LRRC27: variants seen among roughly 807,000 people sequenced by gnomAD.
LRRC27 encodes leucine-rich repeat-containing protein 27.
LRRC27 carries 57 observed loss-of-function variants against 55.0 expected under a neutral mutation model. The observed-to-expected ratio is 1.04, with a 90% CI of 0.84 to 1.29. The LOEUF is 1.29. Ranked by LOEUF, LRRC27 falls within the 50% of genes most tolerant of loss-of-function variation. The pLI is 0.00. For missense variants in LRRC27, 721 were observed against 651.5 expected (o/e 1.11, Z -1.16); for synonymous variants, 278 against 251.9 (o/e 1.10, Z -0.98).
At chr10:132,353,393 G>A in intron 7 of LRRC27, 1 of 1,043,100 alleles carries the variant, frequency 9.6e-7, no homozygotes, top group Non-Finnish European at 1.2e-6. Flanking sequence ...CCCTCCTGAA[G>A]CCACCCCGTT....
In LRRC27 at chr10:132,375,162, G is replaced by A. The variant is rs1282816083; in HGVS notation, c.1513G>A (p.Gly505Ser). The A allele has an allele frequency of 1.2e-6, 2 of 1,614,124 alleles. No homozygotes were observed. Among genetic ancestry groups the A allele is most frequent in the Admixed American group, 3.3e-5 (2 of 60,014 alleles). The change falls in exon 11 of 11, where the codon GGC (glycine) becomes AGC (serine). Residue 505 changes from glycine to serine, a missense_variant. Gly to Ser is a moderately conservative substitution (Grantham distance 56). Transcript: ENST00000368614. ...GGCCCTCACTGGAAACCTTTCGCTT[G>A]GCCTGCCGGCAGCACAGCCTCAAAA... ...RAALTGNLSL[G>S]LPAAQPQNTF...
At chr10:132,331,826 G>A (rs200894466), upstream of LRRC27, 2 of 1,543,976 alleles carry the variant, frequency 1.3e-6, no homozygotes, top group Non-Finnish European at 1.8e-6. Context: ...ACCCCTTCAA[G>A]GCCGCGGGCG....
intron 9 of LRRC27, 130 bp downstream of exon 9, chr10:132,361,705 G>A: frequency 1.4e-6 from 1 of 699,980 alleles, no homozygotes; most frequent in Non-Finnish European, 2.5e-6. Flanking sequence ...GCCCCAGGCT[G>A]TGGCGGGCTC....
intron 9 of LRRC27, among the ~76,000 whole-genome samples, chr10:132,364,519 G>GTCCA (rs2068889283): frequency 1.3e-4 from 1 of 7,778 alleles, no homozygotes; most frequent in African/African-American, 5.9e-4. Flanking sequence ...CTCCACACTC[G>GTCCA]CACTTACACC....
intron 5 of LRRC27, 84 bp downstream of exon 5, chr10:132,344,734 T>C (rs2138701357): frequency 1.4e-6 from 2 of 1,472,426 alleles, no homozygotes; most frequent in East Asian, 2.3e-5. Context: ...GTCTTCTCTT[T>C]AATAACATCC....
At chr10:132,342,348 G>A in intron 4 of LRRC27, 77 bp downstream of exon 4, 2 of 950,012 alleles carry the variant, frequency 2.1e-6, no homozygotes, top group East Asian at 2.7e-5. Flanking sequence ...GGAAGTATCA[G>A]GCATGACAAA....
chr10:132,330,672 ATTTTT>A (rs57850207), upstream of LRRC27, among the ~76,000 whole-genome samples: 39 of 126,950 alleles, frequency 3.1e-4, no homozygotes, highest in Non-Finnish European at 4.2e-4. Flanking sequence ...CACACCCAGC[ATTTTT>A]TTTTTTTTTT....
chr10:132,337,664 A>G lies in LRRC27; in HGVS notation c.310A>G (p.Lys104Glu). The G allele has an allele frequency of 6.2e-7, 1 of 1,614,158 alleles. No homozygotes were observed. Among genetic ancestry groups the G allele is most frequent in the South Asian group, 1.1e-5 (1 of 91,078 alleles). Residue 104 changes from lysine (K) to glutamate (E), a missense_variant, in exon 3 of 11, where the codon AAA becomes GAA. Physicochemically the swap from Lys to Glu is moderately conservative, Grantham distance 56 (BLOSUM62 1). Coordinates refer to ENST00000368614, the MANE Select transcript of LRRC27 (RefSeq NM_030626.3). ...TWLDLRYNRI[K>E]ALPSGIGAHQ... ...GCTGGACCTCCGGTACAATAGAATTAAAGCGCTTCCTTCTGGGATTGGAGC... is the reference window on the plus strand; with the variant it reads ...GCTGGACCTCCGGTACAATAGAATTGAAGCGCTTCCTTCTGGGATTGGAGC...
intron 9 of LRRC27, among the ~76,000 whole-genome samples, chr10:132,362,263 G>T (rs887823444): frequency 1.3e-5 from 2 of 152,222 alleles, no homozygotes; most frequent in Non-Finnish European, 2.9e-5. Flanking sequence ...ATCAGGGATA[G>T]CTGGTGAGCC....
Position 132,358,390 on chromosome 10 carries a change from AGC to A in LRRC27, c.1170+2506_1170+2507del, listed in dbSNP as rs1447628553. ...TGGGGAGGAGCCGAGGTGATGGAGCAGCGTGGGGAGGAGCCGAGGTGGTGGAG... is the reference window on the plus strand; with the variant it reads ...TGGGGAGGAGCCGAGGTGATGGAGCAGTGGGGAGGAGCCGAGGTGGTGGAG... On this transcript the variant is annotated intron_variant, in intron 8 of 10. Coordinates refer to ENST00000368614, the MANE Select transcript of LRRC27 (RefSeq NM_030626.3). Among the ~76,000 whole-genome samples, 51 of 35,828 alleles carry A rather than the reference AGC, an allele frequency of 1.4e-3. 4 individuals carry two copies. The highest frequency in any genetic ancestry group is 3.9e-3 in the East Asian group (4 of 1,028). 23.5% of individuals were successfully genotyped at this position (35,828 alleles called of 152,430 possible). A position where few individuals can be genotyped will look rare whatever the true frequency, so the allele number is the denominator to read the frequency against.
In LRRC27 at chr10:132,363,174, C is replaced by T. The variant is rs574347178; in HGVS notation, c.1289+1599C>T. On this transcript the variant is annotated intron_variant, in intron 9 of 10. Transcript: ENST00000368614. ...GCTCGGGGGGCCAGGGTTCATGAAC[C>T]CTCTCACCTCACAGCTGCTCGGGGG... 3.4e-3 allele frequency among the ~76,000 whole-genome samples: 449 copies of T among 131,106 alleles called. 37 individuals are homozygous for T. The highest frequency in any genetic ancestry group is 0.011 in the African/African-American group (380 of 34,354). 86.0% of individuals were successfully genotyped at this position (131,106 alleles called of 152,430 possible).
chr10:132,380,252 C>T lies in LRRC27; in HGVS notation c.*5010C>T, dbSNP rs541189940. On this transcript the variant is annotated 3_prime_UTR_variant, in exon 11 of 11. Transcript: ENST00000368614. ...CAGAGGTTGCAGTGAGCCGAGATCA[C>T]GCCATTGCACTCCAGCCTGGGCAAC... is the stretch of plus-strand genomic sequence containing the variant. 8.5e-4 allele frequency among the ~76,000 whole-genome samples: 129 copies of T among 151,514 alleles called. 1 individual carries two copies. The highest frequency in any genetic ancestry group is 2.7e-3 in the African/African-American group (113 of 41,224).
At chr10:132,331,893 C>T (rs755229351), upstream of LRRC27, 23 of 1,010,052 alleles carry the variant, frequency 2.3e-5, no homozygotes, top group African/African-American at 3.3e-4. Flanking sequence ...CACCCCCTGC[C>T]ACCCCCGCGC....
chr10:132,361,482 C>G lies in LRRC27; in HGVS notation c.1196C>G (p.Thr399Arg), dbSNP rs141377261. Reference protein sequence around the residue: ...SMVASKIPSATDLIDNRKVPL... With the variant: ...SMVASKIPSARDLIDNRKVPL... Reference sequence around the variant, plus strand: ...GTGGCATCAAAGATTCCCTCTGCCACAGATCTGATAGATAACAGGAAAGTA... The same window carrying G: ...GTGGCATCAAAGATTCCCTCTGCCAGAGATCTGATAGATAACAGGAAAGTA... Residue 399 changes from threonine to arginine, a missense_variant, in exon 9 of 11, where the codon ACA becomes AGA. Thr to Arg is a moderately conservative substitution (Grantham distance 71, BLOSUM62 -1). Coordinates refer to ENST00000368614, the MANE Select transcript of LRRC27 (RefSeq NM_030626.3). The G allele has an allele frequency of 6.2e-7, 1 of 1,613,756 alleles. No individual in the cohort carries two copies. The highest frequency in any genetic ancestry group is 1.1e-5 in the South Asian group (1 of 91,074).
chr10:132,352,870 G>A (rs374729788), intron 7 of LRRC27: 200 of 1,613,600 alleles, frequency 1.2e-4, no homozygotes, highest in Non-Finnish European at 1.6e-4. Context: ...CTCATTTCTT[G>A]TTCTTCCTCA....
Position 132,337,648 on chromosome 10 carries a change from C to G in LRRC27, c.294C>G (p.Leu98=), listed in dbSNP as rs1486572124. Residue 98 remains leucine (L), a synonymous_variant, in exon 3 of 11, where the codon CTC becomes CTG. Transcript: ENST00000368614. ...QLLPNLTWLD[L]RYNRIKALPS... ...TTCCGAACCTGACTTGGCTGGACCT[C>G]CGGTACAATAGAATTAAAGCGCTTC... 8 of 1,614,182 alleles carry G rather than the reference C, an allele frequency of 5.0e-6. No homozygotes were observed. Among genetic ancestry groups the G allele is most frequent in the Non-Finnish European group, 1.7e-6 (2 of 1,180,022 alleles).
rs2069212146 is a variant in LRRC27 at position 132,371,359 on chromosome 10, G to C, written c.1417-3707G>C. Among the ~76,000 whole-genome samples the C allele has an allele frequency of 1.3e-5, 2 of 152,246 alleles. 1 individual carries two copies. The highest frequency in any genetic ancestry group is 6.3e-3 in the Middle Eastern group (2 of 316). On this transcript the variant is annotated intron_variant, in intron 10 of 10. Coordinates refer to ENST00000368614, the MANE Select transcript of LRRC27 (RefSeq NM_030626.3). ...TTAGAGGACCAGGGTGGACGGGTCAGGGCAGAGAGAGAAGAAAGCCCAGAG... is the reference window on the plus strand; with the variant it reads ...TTAGAGGACCAGGGTGGACGGGTCACGGCAGAGAGAGAAGAAAGCCCAGAG...
At chr10:132,335,600 T>G (rs2067087960) in intron 2 of LRRC27, among the ~76,000 whole-genome samples, 2 of 125,262 alleles carry the variant, frequency 1.6e-5, no homozygotes, top group Admixed American at 1.5e-4. Context: ...TCTTCCTGGA[T>G]GTCGTCTATT....
chr10:132,365,925 C>T (rs1033070459), intron 10 of LRRC27, among the ~76,000 whole-genome samples: 10 of 152,212 alleles, frequency 6.6e-5, no homozygotes, highest in African/African-American at 1.9e-4. Flanking sequence ...ACTCACTGTG[C>T]CTCTTCAGAG....
Sources: gnomAD v4.1 joint callset for allele counts (sites outside exome capture counted in the v4.1 genomes callset) on GRCh38, gnomAD v4.1.1 for gene constraint, MANE v1.5 for transcripts, NCBI Gene and HGNC (gene_info 2026-07-23, HGNC 2026-07-21) for gene names.